Variants in SCHIP1 observed in about 807,000 individuals in gnomAD.
SCHIP1 encodes the protein schwannomin interacting protein 1.
SCHIP1 carries 8 observed loss-of-function variants against 29.7 expected under a neutral mutation model. The observed-to-expected ratio is 0.27, with a 90% confidence interval of 0.16 to 0.49. The LOEUF is 0.49. Among genes scored for constraint, SCHIP1 ranks in the 20% least tolerant of loss-of-function variants. The probability of loss-of-function intolerance (pLI) is 0.99; values close to 1 mark genes in which losing one functional copy is unlikely to be tolerated. For synonymous variants in SCHIP1, 76 were observed against 94.9 expected (o/e 0.80, Z 1.16); for missense variants, 193 against 294.6 (o/e 0.66, Z 2.52).
the SCHIP1 span, among the ~76,000 whole-genome samples, chr3:159,833,782 C>G: frequency 4.6e-5 from 7 of 152,310 alleles, no homozygotes; most frequent in Admixed American, 2.6e-4. Context: ...TTTAAACCTC[C>G]TTACTCTACC....
At chr3:159,655,031 A>T in the SCHIP1 span, among the ~76,000 whole-genome samples, 1 of 152,084 alleles carries the variant, frequency 6.6e-6, no homozygotes, top group African/African-American at 2.4e-5. Context: ...TACTGTCCCT[A>T]TTGAGCACAG....
chr3:159,734,408 G>A, the SCHIP1 span, among the ~76,000 whole-genome samples: 1 of 151,802 alleles, frequency 6.6e-6, no homozygotes, highest in Non-Finnish European at 1.5e-5. Flanking sequence ...CCAAAGTGCT[G>A]GGATTACAGG....
chr3:159,525,575 A>G, the SCHIP1 span, among the ~76,000 whole-genome samples: 3 of 152,208 alleles, frequency 2.0e-5, no homozygotes, highest in Non-Finnish European at 4.4e-5. Context: ...TTCTTGGTGC[A>G]TTGAGAGAGC....
the SCHIP1 span, among the ~76,000 whole-genome samples, chr3:159,395,673 T>C: frequency 1.3e-5 from 2 of 152,210 alleles, no homozygotes; most frequent in African/African-American, 2.4e-5. Context: ...GATTGCACTG[T>C]GGTCTGAGAG....
the SCHIP1 span, among the ~76,000 whole-genome samples, chr3:159,754,070 C>T: frequency 8.3e-6 from 1 of 121,098 alleles, no homozygotes; most frequent in African/African-American, 2.6e-5. Flanking sequence ...GACTTAAATC[C>T]CACTTGGAGA....
chr3:159,464,942 A>G, the SCHIP1 span, among the ~76,000 whole-genome samples: 8 of 152,150 alleles, frequency 5.3e-5, no homozygotes, highest in Non-Finnish European at 1.2e-4. Context: ...TATGGGTGAT[A>G]TAAGGGTCTG....
the SCHIP1 span, among the ~76,000 whole-genome samples, chr3:159,560,570 G>A: frequency 3.3e-5 from 5 of 152,082 alleles, no homozygotes; most frequent in East Asian, 3.9e-4. Flanking sequence ...GATTCTCTTT[G>A]CTAAGTCCCC....
At chr3:159,666,671 GAGAAAT>G in the SCHIP1 span, among the ~76,000 whole-genome samples, 1 of 152,134 alleles carries the variant, frequency 6.6e-6, no homozygotes, top group Non-Finnish European at 1.5e-5. Flanking sequence ...AGGCAAAATA[GAGAAAT>G]ACCATAATTA....
At chr3:159,432,479 C>G in the SCHIP1 span, among the ~76,000 whole-genome samples, 15 of 152,140 alleles carry the variant, frequency 9.9e-5, no homozygotes, top group Middle Eastern at 6.8e-3. Context: ...AGAAGTACTT[C>G]CCTATGTAGA....
the SCHIP1 span, among the ~76,000 whole-genome samples, chr3:159,778,016 G>A: frequency 3.8e-4 from 58 of 150,824 alleles, no homozygotes; most frequent in African/African-American, 1.2e-3. Flanking sequence ...ATAGAGTCTC[G>A]CTCTGTCACC....
At chr3:159,640,237 C>G in the SCHIP1 span, among the ~76,000 whole-genome samples, 3 of 152,098 alleles carry the variant, frequency 2.0e-5, no homozygotes, top group Non-Finnish European at 4.4e-5. Context: ...TTCCAGCATA[C>G]GGAACATTGA....
chr3:159,615,503 C>G, the SCHIP1 span, among the ~76,000 whole-genome samples: 1 of 152,176 alleles, frequency 6.6e-6, no homozygotes, highest in African/African-American at 2.4e-5. Context: ...CTACAGTTGG[C>G]CTACCTGGCA....
At chr3:159,351,188 A>G in the SCHIP1 span, among the ~76,000 whole-genome samples, 1 of 152,156 alleles carries the variant, frequency 6.6e-6, no homozygotes, top group Non-Finnish European at 1.5e-5. Flanking sequence ...CTGAGGATAT[A>G]CAAATTTGTG....
At chr3:159,745,386 AGT>A in the SCHIP1 span, among the ~76,000 whole-genome samples, 1 of 152,172 alleles carries the variant, frequency 6.6e-6, no homozygotes, top group Non-Finnish European at 1.5e-5. Flanking sequence ...TCCCAGGTAG[AGT>A]GTTGCCTCTT....
the SCHIP1 span, among the ~76,000 whole-genome samples, chr3:159,570,576 C>T: frequency 1.7e-4 from 26 of 152,196 alleles, no homozygotes; most frequent in East Asian, 2.1e-3. Context: ...AGTCAGGTAG[C>T]GTGATGCCTC....
the SCHIP1 span, among the ~76,000 whole-genome samples, chr3:159,658,803 C>A: frequency 1.3e-5 from 2 of 152,246 alleles, no homozygotes; most frequent in African/African-American, 4.8e-5. Context: ...AAGCCCAAAA[C>A]TGAATCTCTA....
chr3:159,506,098 T>C, the SCHIP1 span, among the ~76,000 whole-genome samples: 10 of 152,168 alleles, frequency 6.6e-5, no homozygotes, highest in Non-Finnish European at 1.2e-4. Flanking sequence ...AGTGTAAAAG[T>C]GTTCCTATTT....
the SCHIP1 span, among the ~76,000 whole-genome samples, chr3:159,636,617 A>ACT: frequency 1.3e-5 from 2 of 152,256 alleles, no homozygotes; most frequent in African/African-American, 4.8e-5. Flanking sequence ...TTAAATGTAG[A>ACT]AGTGATAGGC....
the SCHIP1 span, among the ~76,000 whole-genome samples, chr3:159,283,186 T>C: frequency 6.6e-6 from 1 of 152,234 alleles, no homozygotes; most frequent in Admixed American, 6.5e-5. Flanking sequence ...GGAGTCTCAC[T>C]CTGTCGCTCA....
Sources: allele counts gnomAD v4.1 joint callset (sites outside exome capture counted in the v4.1 genomes callset), GRCh38; gene constraint gnomAD v4.1.1; transcripts MANE v1.5; gene names NCBI Gene and HGNC (gene_info 2026-07-23, HGNC 2026-07-21).